Variants in TNIK observed in about 807,000 individuals in gnomAD.
TNIK encodes the protein TRAF2 and NCK interacting kinase.
TNIK carries 49 observed loss-of-function variants against 191.3 expected under a neutral mutation model. That is an observed-to-expected ratio of 0.26 (90% confidence interval 0.20 to 0.32). The LOEUF is 0.32. Among genes scored for constraint, TNIK ranks in the 10% least tolerant of loss-of-function variants. TNIK has a pLI of 1.00. For missense variants in TNIK, 1,155 were observed against 1,702.3 expected (o/e 0.68, Z 5.66); for synonymous variants, 594 against 600.9 (o/e 0.99, Z 0.17).
intron 3 of TNIK, among the ~76,000 whole-genome samples, chr3:171,218,175 G>A (rs986542790): frequency 6.6e-6 from 1 of 152,130 alleles, no homozygotes; most frequent in African/African-American, 2.4e-5. Context: ...TCCAGGGTCA[G>A]AGAGCCATGA....
intron 12 of TNIK, among the ~76,000 whole-genome samples, chr3:171,143,555 T>G (rs972989539): frequency 1.3e-4 from 20 of 152,214 alleles, no homozygotes; most frequent in Non-Finnish European, 2.6e-4. Context: ...TCCTCTTAAA[T>G]TTCTTTGTAG....
intron 4 of TNIK, among the ~76,000 whole-genome samples, chr3:171,203,633 T>TTATGTGAACCAAAC (rs1269114196): frequency 6.6e-6 from 1 of 152,240 alleles, no homozygotes; most frequent in Non-Finnish European, 1.5e-5. Context: ...TGAACCAAAC[T>TTATGTGAACCAAAC]CAACATATTT....
chr3:171,260,985 T>C (rs141346135), intron 2 of TNIK, among the ~76,000 whole-genome samples: 6 of 152,332 alleles, frequency 3.9e-5, no homozygotes, highest in African/African-American at 1.4e-4. Flanking sequence ...TTACATTAGG[T>C]ATTTTAATAA....
At chr3:171,422,367 A>C (rs1723925445) in intron 1 of TNIK, among the ~76,000 whole-genome samples, 1 of 152,166 alleles carries the variant, frequency 6.6e-6, no homozygotes, top group Admixed American at 6.5e-5. Flanking sequence ...ATACATATGA[A>C]TTCAAACCAA....
intron 1 of TNIK, among the ~76,000 whole-genome samples, chr3:171,432,923 T>A (rs1229335330): frequency 6.6e-6 from 1 of 152,144 alleles, no homozygotes; most frequent in Non-Finnish European, 1.5e-5. Context: ...CTTAATATCT[T>A]CACATTTTAA....
At chr3:171,127,556 C>T (rs1021782996) in intron 16 of TNIK, among the ~76,000 whole-genome samples, 6 of 152,122 alleles carry the variant, frequency 3.9e-5, no homozygotes, top group Admixed American at 3.3e-4. Context: ...AGTACATTTT[C>T]CCTCTCTTCT....
In TNIK at chr3:171,129,022, G is replaced by T. The variant is rs1328063252; in HGVS notation, c.1609-144C>A. On this transcript the variant is annotated intron_variant, in intron 15 of 32. Coordinates refer to ENST00000436636, the MANE Select transcript of TNIK (RefSeq NM_015028.4). ...TTTTAAGAAGACAAAACTCTGTGCT[G>T]CATCAAGAGTTTGCAAAGAGCAAAC... 8.5e-6 allele frequency: 11 copies of T among 1,301,428 alleles called. No homozygotes were observed. The South Asian group carries it at 8.7e-5, about 10-fold the overall frequency. 80.6% of individuals were successfully genotyped at this position (1,301,428 alleles called of 1,614,324 possible).
intron 2 of TNIK, among the ~76,000 whole-genome samples, chr3:171,246,972 AGC>A (rs1265125479): frequency 1.3e-5 from 2 of 152,266 alleles, no homozygotes; most frequent in Non-Finnish European, 2.9e-5. Context: ...GGACATTTCA[AGC>A]AACAAGTAAA....
intron 2 of TNIK, among the ~76,000 whole-genome samples, chr3:171,347,391 TCACACACACA>T (rs150384769): frequency 2.5e-4 from 37 of 146,176 alleles, no homozygotes; most frequent in Middle Eastern, 3.5e-3. Flanking sequence ...GAAGTGCCTA[TCACACACACA>T]CACACACACA....
At chr3:171,235,220 T>G (rs1744115077) in intron 2 of TNIK, among the ~76,000 whole-genome samples, 1 of 152,104 alleles carries the variant, frequency 6.6e-6, no homozygotes, top group Admixed American at 6.5e-5. Flanking sequence ...TTTTGTAGTT[T>G]TAGTAGAGCC....
chr3:171,123,645 T>G lies in TNIK; in HGVS notation c.2071A>C (p.Asn691His), dbSNP rs115535319. The G allele has an allele frequency of 9.5e-6, 15 of 1,578,708 alleles. No homozygotes were observed. The highest frequency in any genetic ancestry group is 1.1e-5 in the Non-Finnish European group (13 of 1,160,154). Residue 691 changes from asparagine (N) to histidine (H), a missense_variant, in exon 18 of 33, where the codon AAT (asparagine) becomes CAT (histidine). Asn to His is a moderately conservative substitution (Grantham distance 68). This residue lies in a region of TNIK where 735 missense variants were observed against 848.0 expected (regional missense o/e 0.87). Transcript: ENST00000436636. ...AGTCTGGGTCCCAGAGCACTACCAT[T>G]CCCAGGAGAATTCTTTCTGGCTAAT... ...PALARKNSPG[N>H]GSALGPRLGS...
intron 15 of TNIK, among the ~76,000 whole-genome samples, chr3:171,131,802 G>A (rs963251961): frequency 2.6e-5 from 4 of 152,192 alleles, no homozygotes; most frequent in African/African-American, 9.7e-5. Context: ...AACATTGGAA[G>A]TGGCACTTCT....
At chr3:171,186,291 G>T (rs1415882895) in intron 7 of TNIK, among the ~76,000 whole-genome samples, 1 of 152,102 alleles carries the variant, frequency 6.6e-6, no homozygotes, top group African/African-American at 2.4e-5. Context: ...ATCTTCTCTG[G>T]CCCACAGTAA....
At chr3:171,260,379 C>T (rs1413490015) in intron 2 of TNIK, among the ~76,000 whole-genome samples, 3 of 152,160 alleles carry the variant, frequency 2.0e-5, no homozygotes, top group Non-Finnish European at 4.4e-5. Context: ...GTGCTTTTCC[C>T]AGTGTCACTG....
intron 2 of TNIK, among the ~76,000 whole-genome samples, chr3:171,271,534 C>T (rs1749102690): frequency 6.6e-6 from 1 of 152,234 alleles, no homozygotes; most frequent in Non-Finnish European, 1.5e-5. Context: ...ACTTGTTCTT[C>T]AAGATTAAAA....
At chr3:171,108,241 G>C in intron 19 of TNIK, 79 bp from the exon 20 acceptor site, 2 of 1,134,488 alleles carry the variant, frequency 1.8e-6, no homozygotes, top group Non-Finnish European at 2.4e-6. Flanking sequence ...AATTATCTGT[G>C]ATGTGTCATC....
chr3:171,194,672 T>C (rs1189365450), intron 4 of TNIK, 37 bp from the exon 5 acceptor site: 2 of 1,580,174 alleles, frequency 1.3e-6, no homozygotes, highest in Admixed American at 1.7e-5. Context: ...ATTTTAATGA[T>C]GCTTCACTGC....
Position 171,460,211 on chromosome 3 carries a change from A to C in TNIK, c.-148T>G. The stretch of plus-strand genomic sequence containing the variant: ...CCTCCCCCGCCCACCCCAGCCCCAC[A>C]GCGCCGGATCCCGATCCTCCGCGCG... On this transcript the variant is annotated 5_prime_UTR_variant, in exon 1 of 33. Coordinates refer to ENST00000436636, the MANE Select transcript of TNIK (RefSeq NM_015028.4). This position sits in a 1 kb window ranked among gnomAD's most constrained non-coding sequence, Gnocchi z 6.8. 1.0e-6 allele frequency: 1 copy of C among 992,258 alleles called. No homozygotes were observed. The highest frequency in any genetic ancestry group is 1.5e-6 in the Non-Finnish European group (1 of 671,502). 61.5% of individuals were successfully genotyped at this position (992,258 alleles called of 1,614,324 possible). A position where few individuals can be genotyped will look rare whatever the true frequency, so the allele number is the denominator to read the frequency against.
intron 2 of TNIK, chr3:171,347,250 A>G: frequency 1.3e-6 from 2 of 1,523,112 alleles, no homozygotes; most frequent in Non-Finnish European, 1.8e-6. Context: ...AAGAAAAATG[A>G]CAAAACCCTA....
Sources: allele counts gnomAD v4.1 joint callset (sites outside exome capture counted in the v4.1 genomes callset), GRCh38; gene constraint gnomAD v4.1.1; regional missense constraint gnomAD v4.1.1; non-coding constraint Gnocchi (gnomAD v3.1); transcripts MANE v1.5; gene names NCBI Gene and HGNC (gene_info 2026-07-23, HGNC 2026-07-21).